The following SPAG1 variants were observed in gnomAD, a reference collection of about 807,000 sequenced individuals.
SPAG1 encodes the protein sperm associated antigen 1, also known as sperm-associated antigen 1.
In SPAG1, 69 loss-of-function variants were observed where a neutral mutation model predicts 100.5. The ratio of observed to expected loss-of-function variants is 0.69; its 90% CI spans 0.57 to 0.84. The LOEUF (loss-of-function observed/expected upper bound fraction) is 0.84. Among genes scored for constraint, SPAG1 ranks in the 40% least tolerant of loss-of-function variants. The probability of loss-of-function intolerance (pLI) is 0.00; values close to 1 mark genes in which losing one functional copy is unlikely to be tolerated. For synonymous variants in SPAG1, 336 were observed against 411.6 expected, an observed-to-expected ratio of 0.82 and a Z score of 2.22; for missense variants, 955 against 1,133.1, an observed-to-expected ratio of 0.84 and a Z score of 2.26.
At chr8:100,170,841 A>ATTT (rs1335427712) in intron 3 of SPAG1, among the ~76,000 whole-genome samples, 1 of 90,972 alleles carries the variant, frequency 1.1e-5, no homozygotes, top group African/African-American at 3.7e-5. Context: ...TTATTTATTT[A>ATTT]TTTATTTATT....
In SPAG1 at chr8:100,213,264, C is replaced by G. The variant is rs1586496414; in HGVS notation, c.1271C>G (p.Ala424Gly). The stretch of plus-strand genomic sequence containing the variant: ...AAGCGGAGCCCACGGCGGGCCTCTG[C>G]GGCGGCGGCGGCGGGCGGCGGCGCC... ...ADKRSPRRAS[A>G]AAAAGGGATG... is the part of the protein sequence containing the mutation. The change falls in exon 11 of 19, where the codon GCG (alanine) becomes GGG (glycine). Residue 424 changes from alanine (A) to glycine (G), a missense_variant. By Grantham distance (60) the Ala-to-Gly change is moderately conservative. Transcript: ENST00000388798. 4 of 1,175,620 alleles carry G rather than the reference C, an allele frequency of 3.4e-6. No individual in the cohort carries two copies. Among genetic ancestry groups the G allele is most frequent in the African/African-American group, 1.6e-5 (1 of 62,058 alleles). 72.8% of individuals were successfully genotyped at this position (1,175,620 alleles called of 1,614,324 possible). A position where few individuals can be genotyped will look rare whatever the true frequency, so the allele number is the denominator to read the frequency against.
intron 7 of SPAG1, 141 bp downstream of exon 7, chr8:100,184,874 T>C (rs968004210): frequency 1.2e-5 from 7 of 589,700 alleles, no homozygotes; most frequent in Non-Finnish European, 1.7e-5. Context: ...TATTCACTTG[T>C]GTTTCTCCTA....
intron 4 of SPAG1, among the ~76,000 whole-genome samples, chr8:100,179,743 CTT>C (rs1335779754): frequency 6.6e-6 from 1 of 152,126 alleles, no homozygotes; most frequent in South Asian, 2.1e-4. Context: ...AGAATATTTA[CTT>C]TGTTAGATCT....
chr8:100,213,318 C>G lies in SPAG1; in HGVS notation c.1325C>G (p.Ala442Gly), dbSNP rs912680958. 10 of 1,257,366 alleles carry G rather than the reference C, an allele frequency of 8.0e-6. No homozygotes were observed. In the African/African-American group the frequency reaches 1.6e-4, roughly 20 times the overall value. 77.9% of individuals were successfully genotyped at this position (1,257,366 alleles called of 1,614,324 possible). A position where few individuals can be genotyped will look rare whatever the true frequency, so the allele number is the denominator to read the frequency against. The change falls in exon 11 of 19, where the codon GCG becomes GGG. Residue 442 changes from alanine to glycine, a missense_variant. Coordinates refer to ENST00000388798, the MANE Select transcript of SPAG1 (RefSeq NM_003114.5). ...ATGHPGGGQGAENPAGLKSQG... is the reference protein window; with the variant it reads ...ATGHPGGGQGGENPAGLKSQG... The stretch of plus-strand genomic sequence containing the variant: ...GGGCATCCGGGCGGCGGGCAGGGCG[C>G]GGAGAACCCTGCCGGCCTGAAGAGC...
intron 10 of SPAG1, among the ~76,000 whole-genome samples, chr8:100,204,329 C>T (rs1817415101): frequency 6.6e-6 from 1 of 152,140 alleles, no homozygotes; most frequent in Non-Finnish European, 1.5e-5. Context: ...AGGTGCGCTA[C>T]ACTCAAAAAT....
intron 16 of SPAG1, among the ~76,000 whole-genome samples, chr8:100,238,392 C>T (rs1819104675): frequency 6.6e-6 from 1 of 152,196 alleles, no homozygotes; most frequent in Non-Finnish European, 1.5e-5. Flanking sequence ...ATCACTAGCT[C>T]AGCTTATCTG....
At chr8:100,233,845 C>G (rs903069508) in intron 16 of SPAG1, among the ~76,000 whole-genome samples, 1 of 152,204 alleles carries the variant, frequency 6.6e-6, no homozygotes, top group Non-Finnish European at 1.5e-5. Flanking sequence ...TACTGAATTA[C>G]CGAAACTAGC....
At chr8:100,217,554 A>G (rs1818059561) in intron 12 of SPAG1, among the ~76,000 whole-genome samples, 1 of 152,118 alleles carries the variant, frequency 6.6e-6, no homozygotes, top group Non-Finnish European at 1.5e-5. Context: ...CTCCAGGTGA[A>G]ACATGAAAAG....
intron 10 of SPAG1, among the ~76,000 whole-genome samples, chr8:100,204,202 T>C (rs1028710642): frequency 1.3e-5 from 2 of 152,060 alleles, no homozygotes; most frequent in African/African-American, 4.8e-5. Flanking sequence ...ATGTTGATTC[T>C]CCTCAGAAGC....
In SPAG1 at chr8:100,158,594, G is replaced by T. The variant is rs781363925; in HGVS notation, c.-25G>T. The T allele has an allele frequency of 1.8e-4, 28 of 152,350 alleles. 1 individual carries two copies. The highest frequency in any genetic ancestry group is 6.0e-4 in the African/African-American group (25 of 41,582). 9.4% of individuals were successfully genotyped at this position (152,350 alleles called of 1,614,324 possible). Reference sequence around the variant, plus strand: ...AGAGACCCAGCTTTTCGCGTTAGTAGGCCCGAGCAGTTTGAACTGGAGGTA... The same window carrying T: ...AGAGACCCAGCTTTTCGCGTTAGTATGCCCGAGCAGTTTGAACTGGAGGTA... On this transcript the variant is annotated 5_prime_UTR_variant, in exon 1 of 19. It adds an upstream start codon to the 5' untranslated region. Transcript: ENST00000388798.
At position 100,206,017 on chromosome 8, in the gene SPAG1, CAAAAAAAAAAAAAAAAA is replaced by C. The variant is rs574907013; in HGVS notation, c.1097-7051_1097-7035del. ...CTGGCGACAGAGTGAGACTCTGTCT[CAAAAAAAAAAAAAAAAA>C]AAAAAAAAAAAAAAAAAAAAAGAAA... On this transcript the variant is annotated intron_variant, in intron 10 of 18. Coordinates refer to ENST00000388798, the MANE Select transcript of SPAG1 (RefSeq NM_003114.5). Among the ~76,000 whole-genome samples the C allele has an allele frequency of 3.7e-4, 29 of 77,348 alleles. 1 individual carries two copies. The highest frequency in any genetic ancestry group is 1.1e-3 in the Admixed American group (8 of 7,246). The allele number at this position is 77,348 out of a possible 152,430, so 50.7% of individuals were successfully genotyped here. A position where few individuals can be genotyped will look rare whatever the true frequency, so the allele number is the denominator to read the frequency against.
intron 9 of SPAG1, among the ~76,000 whole-genome samples, chr8:100,191,916 A>G (rs1484466101): frequency 6.6e-6 from 1 of 152,080 alleles, no homozygotes; most frequent in African/African-American, 2.4e-5. Flanking sequence ...CACTTAGGGG[A>G]TCTGTATTCA....
chr8:100,233,101 G>T (rs1586554013), intron 15 of SPAG1: 2 of 291,526 alleles, frequency 6.9e-6, no homozygotes, highest in East Asian at 2.4e-4. Context: ...CCTTGTCTCA[G>T]CCCCACTGAA....
At position 100,239,522 on chromosome 8, in the gene SPAG1, AGT is replaced by A. The variant is rs1235962452; in HGVS notation, c.2280+120_2280+121del. 8 of 691,798 alleles carry A rather than the reference AGT, an allele frequency of 1.2e-5. No individual in the cohort carries two copies. Among genetic ancestry groups the A allele is most frequent in the Non-Finnish European group, 2.0e-5 (8 of 406,384 alleles). The allele number at this position is 691,798 out of a possible 1,614,324, so 42.9% of individuals were successfully genotyped here. A position where few individuals can be genotyped will look rare whatever the true frequency, so the allele number is the denominator to read the frequency against. ...ATTTTGTGTTTTTATTCTGATGATC[AGT>A]GACAAAATTTTAACCAGCAACAAAA... is the stretch of plus-strand genomic sequence containing the variant. On this transcript the variant is annotated intron_variant, in intron 17 of 18. Transcript: ENST00000388798. The surrounding 1 kb of genome is among the most constrained non-coding windows in gnomAD (Gnocchi z 5.0).
Position 100,213,164 on chromosome 8 carries a change from G to C in SPAG1, c.1171G>C (p.Gly391Arg). The change falls in exon 11 of 19, where the codon GGC (glycine) becomes CGC (arginine). Residue 391 changes from glycine (G) to arginine (R), a missense_variant. Transcript: ENST00000388798. ...VMGNIQKKLT[G>R]KAEGGKRPAR... is the part of the protein sequence containing the mutation. ...GGGCAACATCCAGAAGAAGCTGACT[G>C]GCAAAGCCGAAGGCGGCAAGCGGCC... The C allele has an allele frequency of 3.4e-6, 5 of 1,477,846 alleles. No individual in the cohort carries two copies. The highest frequency in any genetic ancestry group is 4.5e-6 in the Non-Finnish European group (5 of 1,120,794). The allele number at this position is 1,477,846 out of a possible 1,614,324, so 91.5% of individuals were successfully genotyped here. A position where few individuals can be genotyped will look rare whatever the true frequency, so the allele number is the denominator to read the frequency against.
chr8:100,184,014 A>G lies in SPAG1; in HGVS notation c.547A>G (p.Ile183Val), dbSNP rs751142825. 3.4e-5 allele frequency: 53 copies of G among 1,550,148 alleles called. No individual in the cohort carries two copies. Among genetic ancestry groups the G allele is most frequent in the Non-Finnish European group, 4.3e-5 (49 of 1,151,692 alleles). ...TGAAGATTACAAAGAAAAGACGGTAATAGACAAGTCACACTTGTCTAAAAT... is the reference window on the plus strand; with the variant it reads ...TGAAGATTACAAAGAAAAGACGGTAGTAGACAAGTCACACTTGTCTAAAAT... ...IDEDYKEKTVIDKSHLSKIET... is the reference protein window; with the variant it reads ...IDEDYKEKTVVDKSHLSKIET... The change falls in exon 6 of 19, where the codon ATA becomes GTA. Residue 183 changes from isoleucine (I) to valine (V), a missense_variant. Transcript: ENST00000388798.
intron 15 of SPAG1, among the ~76,000 whole-genome samples, chr8:100,232,718 ACTGTC>A (rs910761413): frequency 2.0e-5 from 3 of 152,126 alleles, no homozygotes; most frequent in African/African-American, 7.2e-5. Flanking sequence ...AGCCAGAGGG[ACTGTC>A]TAAAACATGG....
At chr8:100,230,625 CTTATT>C (rs1284525098) in intron 14 of SPAG1, among the ~76,000 whole-genome samples, 4 of 152,052 alleles carry the variant, frequency 2.6e-5, no homozygotes, top group Non-Finnish European at 4.4e-5. Context: ...TTACTTGTAT[CTTATT>C]TTATTTTTTT....
chr8:100,161,201 G>T (rs1815291224), intron 1 of SPAG1, among the ~76,000 whole-genome samples: 2 of 152,094 alleles, frequency 1.3e-5, no homozygotes, highest in South Asian at 4.1e-4. Context: ...GAAATTAGCT[G>T]GGAGTGGTGG....
Sources: gnomAD v4.1 joint callset for allele counts (sites outside exome capture counted in the v4.1 genomes callset) on GRCh38, gnomAD v4.1.1 for gene constraint, Gnocchi (gnomAD v3.1) non-coding constraint, MANE v1.5 for transcripts, NCBI Gene and HGNC (gene_info 2026-07-23, HGNC 2026-07-21) for gene names.